RELL1: variants seen among roughly 807,000 people sequenced by gnomAD.
The protein encoded by RELL1 is RELT like 1.
RELL1 carries 10 observed loss-of-function variants against 23.0 expected under a neutral mutation model. The ratio of observed to expected loss-of-function variants is 0.43; its 90% CI spans 0.27 to 0.74. The LOEUF (loss-of-function observed/expected upper bound fraction) is 0.74, where lower values mean the gene tolerates loss of function less well. Among genes scored for constraint, RELL1 ranks in the 30% least tolerant of loss-of-function variants. The probability of loss-of-function intolerance (pLI) is 0.19; values close to 1 mark genes in which losing one functional copy is unlikely to be tolerated. For missense variants in RELL1, 315 were observed against 364.4 expected (o/e 0.86, Z 1.10); for synonymous variants, 146 against 146.8 (o/e 0.99, Z 0.04).
chr4:37,669,089 G>A (rs1577604596), intron 1 of RELL1, among the ~76,000 whole-genome samples: 7 of 127,086 alleles, frequency 5.5e-5, no homozygotes, highest in South Asian at 5.1e-4. Context: ...CAGCCGCCCC[G>A]TCTGGGAGGT....
rs745456251 is a variant in RELL1 at position 37,635,113 on chromosome 4, G to A, written c.454C>T (p.Pro152Ser). The A allele has an allele frequency of 1.2e-5, 20 of 1,613,990 alleles. No homozygotes were observed. The highest frequency in any genetic ancestry group is 1.6e-4 in the Middle Eastern group (1 of 6,084). ...SLYDPESPVTPSTPGSPPVSP... is the reference protein window; with the variant it reads ...SLYDPESPVTSSTPGSPPVSP... ...ACTGGCGGGCTCCCTGGTGTGCTGG[G>A]GGTCACGGGGCTAATGTGGGGAGGA... The change falls in exon 5 of 7, where the codon CCC (proline) becomes TCC (serine). Residue 152 changes from proline to serine, a missense_variant. By Grantham distance (74) the Pro-to-Ser change is moderately conservative. Transcript: ENST00000454158.
downstream of RELL1, chr4:37,589,006 G>T: frequency 1.3e-6 from 1 of 789,028 alleles, no homozygotes; most frequent in South Asian, 1.6e-5. Flanking sequence ...CTTGGGGCAT[G>T]ATCAACATTG....
intron 6 of RELL1, among the ~76,000 whole-genome samples, chr4:37,600,947 A>C (rs1189635500): frequency 6.6e-6 from 1 of 152,238 alleles, no homozygotes; most frequent in Non-Finnish European, 1.5e-5. Flanking sequence ...GAATGAAAAT[A>C]AATTGAGTTA....
intron 6 of RELL1, among the ~76,000 whole-genome samples, chr4:37,599,905 G>A (rs533381463): frequency 7.9e-5 from 12 of 152,150 alleles, no homozygotes; most frequent in East Asian, 1.9e-4. Flanking sequence ...CCCCTCTCTC[G>A]GCCATAATGA....
At chr4:37,641,039 A>G (rs964976604) in intron 3 of RELL1, among the ~76,000 whole-genome samples, 5 of 152,244 alleles carry the variant, frequency 3.3e-5, no homozygotes, top group African/African-American at 1.2e-4. Flanking sequence ...TATAAAATGA[A>G]AGGTCAAATT....
intron 5 of RELL1, among the ~76,000 whole-genome samples, chr4:37,633,826 G>T: frequency 6.6e-6 from 1 of 152,212 alleles, no homozygotes; most frequent in East Asian, 1.9e-4. Context: ...TACAGAGGGG[G>T]AAACTGAGGC....
At chr4:37,605,843 G>GA (rs754179140), downstream of RELL1, among the ~76,000 whole-genome samples, 29 of 87,522 alleles carry the variant, frequency 3.3e-4, no homozygotes, top group Admixed American at 4.3e-4. Flanking sequence ...AAGAAAGAAA[G>GA]AAGGAAAAGA....
chr4:37,634,787 A>G (rs1720261163), intron 5 of RELL1, 100 bp downstream of exon 5: 10 of 1,014,144 alleles, frequency 9.9e-6, no homozygotes, highest in African/African-American at 1.6e-5. Flanking sequence ...AACCTGAGAC[A>G]GGCACAGAGA....
intron 1 of RELL1, among the ~76,000 whole-genome samples, chr4:37,668,205 C>T (rs1721604836): frequency 6.9e-6 from 1 of 144,510 alleles, no homozygotes; most frequent in South Asian, 2.3e-4. Flanking sequence ...AAAGGAACCC[C>T]CTCCCCCTCC....
intron 6 of RELL1, among the ~76,000 whole-genome samples, chr4:37,615,044 G>A (rs944084259): frequency 1.3e-5 from 2 of 152,172 alleles, no homozygotes; most frequent in Non-Finnish European, 2.9e-5. Flanking sequence ...GGCTGTTTCT[G>A]TAGCATTCTC....
intron 1 of RELL1, among the ~76,000 whole-genome samples, chr4:37,655,190 A>C (rs913085720): frequency 6.6e-6 from 1 of 152,114 alleles, no homozygotes; most frequent in African/African-American, 2.4e-5. Flanking sequence ...ATGACGTCCA[A>C]GTTTCTGCTT....
chr4:37,658,199 G>A (rs1721196224), intron 1 of RELL1, among the ~76,000 whole-genome samples: 1 of 152,078 alleles, frequency 6.6e-6, no homozygotes, highest in African/African-American at 2.4e-5. Flanking sequence ...TCAGGACACA[G>A]CTGAGATGTG....
In RELL1 at chr4:37,646,029, C is replaced by G. The variant is rs369066893; in HGVS notation, c.385+1339G>C. On this transcript the variant is annotated intron_variant, in intron 3 of 6. Transcript: ENST00000454158. ...AGTGTGGTGTATTTCAACCTTTAGA[C>G]AAATGGCTCAGCTCTATCAGGCTGA... 7.9e-5 allele frequency among the ~76,000 whole-genome samples: 12 copies of G among 152,298 alleles called. No individual in the cohort carries two copies. In the East Asian group the frequency reaches 2.3e-3, roughly 29 times the overall value.
chr4:37,619,688 C>T (rs1047364855), intron 6 of RELL1, among the ~76,000 whole-genome samples: 1 of 152,328 alleles, frequency 6.6e-6, no homozygotes, highest in East Asian at 1.9e-4. Context: ...CCACCTCAGC[C>T]TCCCAAGTAG....
chr4:37,628,330 T>C (rs550351628), intron 6 of RELL1, among the ~76,000 whole-genome samples: 2 of 152,242 alleles, frequency 1.3e-5, no homozygotes, highest in African/African-American at 4.8e-5. Context: ...CTCTCTGTGC[T>C]TAAGACCTTC....
rs1719121130 is a variant in RELL1 at position 37,604,822 on chromosome 4, G to GAC, written c.*4-13607_*4-13606dup. On this transcript the variant is annotated intron_variant, in intron 6 of 6. Coordinates refer to the RELL1 transcript ENST00000314117. Reference sequence around the variant, plus strand: ...AGACACACACACAGACACACACACAGACACACACATACACACAGACACACA... The same window carrying GAC: ...AGACACACACACAGACACACACACAGACACACACACATACACACAGACACACA... 2.5e-4 allele frequency among the ~76,000 whole-genome samples: 10 copies of GAC among 39,536 alleles called. 1 individual carries two copies. The highest frequency in any genetic ancestry group is 1.3e-3 in the East Asian group (1 of 780). 25.9% of individuals were successfully genotyped at this position (39,536 alleles called of 152,430 possible).
chr4:37,654,842 T>G (rs761029326), intron 1 of RELL1, among the ~76,000 whole-genome samples: 2 of 152,140 alleles, frequency 1.3e-5, no homozygotes, highest in Non-Finnish European at 2.9e-5. Flanking sequence ...AAACCTTACA[T>G]GCAATATGAT....
downstream of RELL1, chr4:37,590,377 C>T: frequency 6.2e-7 from 1 of 1,613,900 alleles, no homozygotes; most frequent in Non-Finnish European, 8.5e-7. Flanking sequence ...TGCCACTCCA[C>T]AGCCCACTGG....
At chr4:37,672,084 C>G (rs1485303462) in intron 1 of RELL1, among the ~76,000 whole-genome samples, 1 of 152,176 alleles carries the variant, frequency 6.6e-6, no homozygotes, top group Non-Finnish European at 1.5e-5. Flanking sequence ...AGCTCCTAGC[C>G]TCCTTGCTGC....
Sources: allele counts gnomAD v4.1 joint callset (sites outside exome capture counted in the v4.1 genomes callset), GRCh38; gene constraint gnomAD v4.1.1; transcripts MANE v1.5; gene names NCBI Gene and HGNC (gene_info 2026-07-23, HGNC 2026-07-21).